The following DCC variants were observed in gnomAD, a reference collection of about 807,000 sequenced individuals.
DCC encodes the protein netrin receptor DCC.
Under a neutral mutation model 172.5 loss-of-function variants are expected in DCC, and 58 were observed. That is an observed-to-expected ratio of 0.34 (90% confidence interval 0.27 to 0.42). DCC has a LOEUF of 0.42. DCC is among the 10% of genes least tolerant of loss of function. The pLI is 1.00. For synonymous variants in DCC, 709 were observed against 644.5 expected (o/e 1.10, Z -1.52); for missense variants, 1,740 against 1,791.0 (o/e 0.97, Z 0.51).
chr18:53,171,048 C>G (rs1243959395), intron 8 of DCC, among the ~76,000 whole-genome samples: 1 of 152,044 alleles, frequency 6.6e-6, no homozygotes, highest in African/African-American at 2.4e-5. Flanking sequence ...CCATGCCCGG[C>G]TAATTTTTGT....
At chr18:53,170,770 T>C (rs929882982) in intron 8 of DCC, among the ~76,000 whole-genome samples, 1 of 152,206 alleles carries the variant, frequency 6.6e-6, no homozygotes, top group Non-Finnish European at 1.5e-5. Flanking sequence ...ACTTGAGAAA[T>C]CTGGGGCTCA....
intron 1 of DCC, among the ~76,000 whole-genome samples, chr18:52,650,494 T>A (rs555008264): frequency 2.0e-5 from 3 of 152,308 alleles, no homozygotes; most frequent in African/African-American, 7.2e-5. Flanking sequence ...TGTATTAGCA[T>A]GCCGTTTTTT....
At chr18:53,406,088 T>C (rs574480234) in intron 19 of DCC, among the ~76,000 whole-genome samples, 1 of 152,284 alleles carries the variant, frequency 6.6e-6, no homozygotes, top group South Asian at 2.1e-4. Context: ...ATAAATGCAG[T>C]GCCCAACACT....
intron 1 of DCC, among the ~76,000 whole-genome samples, chr18:52,645,916 A>G (rs2035009408): frequency 6.6e-6 from 1 of 152,232 alleles, no homozygotes; most frequent in Admixed American, 6.5e-5. Context: ...TGTTATTCTC[A>G]AAGCATTTGC....
intron 1 of DCC, among the ~76,000 whole-genome samples, chr18:52,740,153 C>T (rs2036796610): frequency 1.3e-5 from 2 of 152,096 alleles, no homozygotes; most frequent in African/African-American, 4.8e-5. Flanking sequence ...CCAGAAATTC[C>T]CTTACAGTTC....
chr18:52,978,230 T>C (rs2041154501), intron 5 of DCC, among the ~76,000 whole-genome samples: 1 of 151,758 alleles, frequency 6.6e-6, no homozygotes, highest in South Asian at 2.1e-4. Flanking sequence ...AGAAAGACAG[T>C]GGAAAATTGC....
intron 1 of DCC, among the ~76,000 whole-genome samples, chr18:52,632,095 C>T (rs189409065): frequency 6.6e-6 from 1 of 152,254 alleles, no homozygotes; most frequent in East Asian, 1.9e-4. Context: ...AGAGAACTTC[C>T]CCAAATTCCT....
intron 1 of DCC, among the ~76,000 whole-genome samples, chr18:52,449,828 A>G (rs1173974876): frequency 6.6e-6 from 1 of 152,158 alleles, no homozygotes; most frequent in Non-Finnish European, 1.5e-5. Context: ...TCCCCTGCAC[A>G]TGCGCTCTTA....
intron 1 of DCC, among the ~76,000 whole-genome samples, chr18:52,476,892 G>T (rs1322477720): frequency 6.6e-6 from 1 of 152,186 alleles, no homozygotes; most frequent in African/African-American, 2.4e-5. Flanking sequence ...AGCTGAAAGT[G>T]CAGTATTAGA....
At chr18:53,339,211 A>G (rs2057626499) in intron 14 of DCC, among the ~76,000 whole-genome samples, 1 of 152,238 alleles carries the variant, frequency 6.6e-6, no homozygotes, top group South Asian at 2.1e-4. Context: ...ACCATGAATC[A>G]AGTACCATCC....
At chr18:52,557,758 G>A (rs1016885222) in intron 1 of DCC, among the ~76,000 whole-genome samples, 23 of 152,180 alleles carry the variant, frequency 1.5e-4, no homozygotes, top group Non-Finnish European at 2.6e-4. Context: ...CTCCCAGATT[G>A]AAGCCATTCT....
chr18:53,331,900 C>G (rs1304039803), intron 14 of DCC, among the ~76,000 whole-genome samples: 3 of 152,110 alleles, frequency 2.0e-5, no homozygotes, highest in Non-Finnish European at 2.9e-5. Flanking sequence ...GGGTCTCTTC[C>G]CTAAAAAATA....
At chr18:52,721,389 TTGAC>T (rs1178606899) in intron 1 of DCC, among the ~76,000 whole-genome samples, 46 of 152,154 alleles carry the variant, frequency 3.0e-4, no homozygotes, top group Admixed American at 1.4e-3. Flanking sequence ...TAAACAAACT[TTGAC>T]TGTGCCTAAC....
At chr18:53,492,624 G>A (rs1398090589) in intron 26 of DCC, among the ~76,000 whole-genome samples, 1 of 152,090 alleles carries the variant, frequency 6.6e-6, no homozygotes, top group African/African-American at 2.4e-5. Context: ...GTAGATGTGT[G>A]GTATTATTTC....
At chr18:52,544,564 T>C (rs1160581788) in intron 1 of DCC, among the ~76,000 whole-genome samples, 1 of 152,078 alleles carries the variant, frequency 6.6e-6, no homozygotes, top group Non-Finnish European at 1.5e-5. Flanking sequence ...GTTGACTCAG[T>C]GTGCTGGGGC....
intron 2 of DCC, among the ~76,000 whole-genome samples, chr18:52,876,544 C>G (rs2039406121): frequency 6.6e-6 from 1 of 152,166 alleles, no homozygotes; most frequent in South Asian, 2.1e-4. Context: ...TTTTCTCAAG[C>G]CATAGAACTG....
intron 2 of DCC, among the ~76,000 whole-genome samples, chr18:52,888,387 C>G (rs757989802): frequency 2.6e-5 from 4 of 152,138 alleles, no homozygotes; most frequent in Non-Finnish European, 2.9e-5. Context: ...GCATTTGTCT[C>G]TGAAAATTAG....
intron 1 of DCC, among the ~76,000 whole-genome samples, chr18:52,392,110 A>T (rs1568147336): frequency 6.6e-6 from 1 of 152,184 alleles, no homozygotes; most frequent in East Asian, 1.9e-4. Context: ...ATGTGTGAAT[A>T]AGAAGCCACT....
chr18:53,302,232 T>C (rs2057150374), intron 12 of DCC, among the ~76,000 whole-genome samples: 1 of 152,192 alleles, frequency 6.6e-6, no homozygotes, highest in Admixed American at 6.5e-5. Flanking sequence ...AACTTCAACA[T>C]ATGACTCTTG....
Sources: allele counts gnomAD v4.1 joint callset (sites outside exome capture counted in the v4.1 genomes callset), GRCh38; gene constraint gnomAD v4.1.1; transcripts MANE v1.5; gene names NCBI Gene and HGNC (gene_info 2026-07-23, HGNC 2026-07-21).